TIAM1: variants seen among roughly 807,000 people sequenced by gnomAD.
TIAM1 encodes the protein rho guanine nucleotide exchange factor TIAM1.
Under a neutral mutation model 163.5 loss-of-function variants are expected in TIAM1, and 65 were observed. The observed-to-expected ratio is 0.40, with a 90% CI of 0.33 to 0.49. The LOEUF (loss-of-function observed/expected upper bound fraction) is 0.49, where lower values mean the gene tolerates loss of function less well. Ranked by LOEUF, TIAM1 falls within the 20% of genes least tolerant of loss-of-function variation. The pLI is 0.77. For missense variants in TIAM1, 1,789 were observed against 2,044.7 expected, an observed-to-expected ratio of 0.87 and a Z score of 2.41; for synonymous variants, 833 against 810.1, an observed-to-expected ratio of 1.03 and a Z score of -0.48.
chr21:31,557,761 T>C (rs1212970180), intron 1 of TIAM1, among the ~76,000 whole-genome samples: 1 of 152,086 alleles, frequency 6.6e-6, no homozygotes, highest in Non-Finnish European at 1.5e-5. Flanking sequence ...CTTCAAGACC[T>C]GCCAGCGCGC....
At chr21:31,199,476 A>G (rs1253895688) in intron 12 of TIAM1, among the ~76,000 whole-genome samples, 1 of 146,036 alleles carries the variant, frequency 6.8e-6, no homozygotes, top group Non-Finnish European at 1.5e-5. Flanking sequence ...CACCTCCACC[A>G]TGGCCACCCT....
chr21:31,468,769 C>T (rs992196296), intron 1 of TIAM1, among the ~76,000 whole-genome samples: 2 of 151,750 alleles, frequency 1.3e-5, no homozygotes, highest in African/African-American at 4.9e-5. Flanking sequence ...GAGCGAGACT[C>T]CATCTCAAAA....
intron 1 of TIAM1, among the ~76,000 whole-genome samples, chr21:31,535,120 C>T (rs755470344): frequency 1.3e-5 from 2 of 149,310 alleles, no homozygotes; most frequent in African/African-American, 5.0e-5. Flanking sequence ...CAGTGGCTCA[C>T]GCCTGTAATC....
intron 1 of TIAM1, among the ~76,000 whole-genome samples, chr21:31,531,760 T>TTAA (rs2047978302): frequency 6.9e-6 from 1 of 144,208 alleles, no homozygotes; most frequent in South Asian, 2.2e-4. Flanking sequence ...ATACAGGAGT[T>TTAA]AAAAAAAAAA....
chr21:31,473,641 A>G (rs2045835594), intron 1 of TIAM1, among the ~76,000 whole-genome samples: 1 of 151,910 alleles, frequency 6.6e-6, no homozygotes, highest in Non-Finnish European at 1.5e-5. Context: ...AACCTTTAGC[A>G]GGGGCACACA....
intron 2 of TIAM1, among the ~76,000 whole-genome samples, chr21:31,356,765 T>C (rs906372310): frequency 6.6e-6 from 1 of 152,192 alleles, no homozygotes; most frequent in Non-Finnish European, 1.5e-5. Context: ...ACCAATGGAA[T>C]AAGACACACT....
At chr21:31,365,852 C>T (rs941006560) in intron 2 of TIAM1, among the ~76,000 whole-genome samples, 4 of 151,700 alleles carry the variant, frequency 2.6e-5, no homozygotes, top group African/African-American at 7.3e-5. Context: ...CCTGTAATCC[C>T]GGCACTTTGG....
chr21:31,253,652 T>A (rs541411857), intron 4 of TIAM1, among the ~76,000 whole-genome samples: 47 of 152,252 alleles, frequency 3.1e-4, no homozygotes, highest in African/African-American at 1.1e-3. Context: ...CTTCTAGGGA[T>A]CAACTCCATT....
chr21:31,380,440 G>A (rs548250580), intron 2 of TIAM1, among the ~76,000 whole-genome samples: 63 of 152,296 alleles, frequency 4.1e-4, no homozygotes, highest in African/African-American at 1.2e-3. Flanking sequence ...TTACTTGGGA[G>A]GCTGAGGCAG....
At chr21:31,372,381 C>A (rs549519419) in intron 2 of TIAM1, among the ~76,000 whole-genome samples, 1 of 152,162 alleles carries the variant, frequency 6.6e-6, no homozygotes, top group Non-Finnish European at 1.5e-5. Flanking sequence ...TTGCTCACCA[C>A]CACTGTTAAG....
chr21:31,437,837 A>T (rs2044266097), intron 2 of TIAM1, among the ~76,000 whole-genome samples: 1 of 152,318 alleles, frequency 6.6e-6, no homozygotes, highest in South Asian at 2.1e-4. Context: ...ACCATAAGCC[A>T]ATTAAACCTC....
chr21:31,481,365 T>C (rs1422540373), intron 1 of TIAM1, among the ~76,000 whole-genome samples: 1 of 151,750 alleles, frequency 6.6e-6, no homozygotes, highest in Non-Finnish European at 1.5e-5. Context: ...ATGTGTGGGG[T>C]TTTTCCTCAC....
intron 1 of TIAM1, among the ~76,000 whole-genome samples, chr21:31,493,408 A>G (rs1417986637): frequency 3.3e-5 from 5 of 152,326 alleles, no homozygotes; most frequent in Non-Finnish European, 7.3e-5. Flanking sequence ...GAATTTCAGG[A>G]AAGGTGTCAT....
intron 2 of TIAM1, among the ~76,000 whole-genome samples, chr21:31,431,595 C>T (rs1380885636): frequency 6.6e-6 from 1 of 152,250 alleles, no homozygotes; most frequent in African/African-American, 2.4e-5. Flanking sequence ...TTTTAAAATA[C>T]AGTCATATAT....
rs182603319 is a variant in TIAM1, at chr21:31,250,374, C to A, written c.1411+1368G>T. The stretch of plus-strand genomic sequence containing the variant: ...TGGCACATGCAGCAAAACCTATATC[C>A]TGACCAATACCCTCCCTTCCTGTGT... On this transcript the variant is annotated intron_variant, in intron 5 of 27. Transcript: ENST00000541036. 5.9e-5 allele frequency among the ~76,000 whole-genome samples: 9 copies of A among 152,254 alleles called. No homozygotes were observed. The East Asian group carries it at 1.5e-3, about 26-fold the overall frequency.
At chr21:31,148,956 C>CTT (rs869158026) in intron 19 of TIAM1, among the ~76,000 whole-genome samples, 3 of 28,844 alleles carry the variant, frequency 1.0e-4, no homozygotes, top group African/African-American at 1.9e-4. Flanking sequence ...ACAAGTTTTT[C>CTT]TTTTTCTTTT....
At chr21:31,124,820 C>T in intron 26 of TIAM1, 126 bp from the exon 27 acceptor site, 1 of 730,350 alleles carries the variant, frequency 1.4e-6, no homozygotes, top group South Asian at 2.8e-5. Context: ...GGCCTTGACT[C>T]CAATTTCTAT....
In TIAM1 at chr21:31,369,225, C is replaced by CA. The variant is rs67890846; in HGVS notation, c.-368-29804dup. Among the ~76,000 whole-genome samples, 115 of 121,100 alleles carry CA rather than the reference C, an allele frequency of 9.5e-4. 3 individuals carry two copies. Among genetic ancestry groups the CA allele is most frequent in the Admixed American group, 1.5e-3 (17 of 11,410 alleles). The allele number at this position is 121,100 out of a possible 152,430, so 79.4% of individuals were successfully genotyped here. A position where few individuals can be genotyped will look rare whatever the true frequency, so the allele number is the denominator to read the frequency against. On this transcript the variant is annotated intron_variant, in intron 2 of 28. Coordinates refer to the TIAM1 transcript ENST00000286827. ...TGGGTGACAGAGCGAGAATCCATCT[C>CA]AAAAAAAAAGAAAGAAAGAAAGAAA...
intron 5 of TIAM1, among the ~76,000 whole-genome samples, chr21:31,250,742 T>A (rs1272375353): frequency 6.6e-6 from 1 of 152,226 alleles, no homozygotes; most frequent in African/African-American, 2.4e-5. Flanking sequence ...TTGAGAAGTG[T>A]TTTTCCTTTT....
Sources: gnomAD v4.1 joint callset for allele counts (sites outside exome capture counted in the v4.1 genomes callset) on GRCh38, gnomAD v4.1.1 for gene constraint, MANE v1.5 for transcripts, NCBI Gene and HGNC (gene_info 2026-07-23, HGNC 2026-07-21) for gene names.